SH3D19: variants seen among roughly 807,000 people sequenced by gnomAD.
The protein encoded by SH3D19 is SH3 domain-containing protein 19.
A neutral mutation model predicts 112.1 loss-of-function variants in SH3D19; 58 were observed. The observed-to-expected ratio is 0.52, with a 90% CI of 0.42 to 0.64. The LOEUF is 0.64. Among genes scored for constraint, SH3D19 ranks in the 30% least tolerant of loss-of-function variants. The pLI, the probability that SH3D19 is intolerant of heterozygous loss-of-function variation, is 0.00. For synonymous variants in SH3D19, 391 were observed against 448.5 expected (o/e 0.87, Z 1.62); for missense variants, 1,090 against 1,263.4 (o/e 0.86, Z 2.08).
chr4:151,322,356 C>G (rs1730620797), intron 1 of SH3D19, among the ~76,000 whole-genome samples: 1 of 149,086 alleles, frequency 6.7e-6, no homozygotes, highest in South Asian at 2.1e-4. Flanking sequence ...TCACTTGAAC[C>G]TGGGAGGTGA....
At chr4:151,190,499 T>C (rs1261280946) in intron 2 of SH3D19, among the ~76,000 whole-genome samples, 1 of 152,190 alleles carries the variant, frequency 6.6e-6, no homozygotes, top group Non-Finnish European at 1.5e-5. Flanking sequence ...CTCTGCTGTG[T>C]GCACTCTAGG....
At position 151,200,019 on chromosome 4, in the gene SH3D19, C is replaced by A. The variant is rs780138809; in HGVS notation, c.153-12556G>T. On this transcript the variant is annotated intron_variant, in intron 2 of 19. Coordinates refer to ENST00000604030, the MANE Select transcript of SH3D19 (RefSeq NM_001378122.1). ...TCATAAAAGAGGCCCCAGAGAGATC[C>A]CTTGCCTTTCTGCCATAAGAGGAAA... 6.6e-4 allele frequency among the ~76,000 whole-genome samples: 100 copies of A among 152,158 alleles called. 1 individual carries two copies. The highest frequency in any genetic ancestry group is 1.3e-3 in the Non-Finnish European group (90 of 67,998).
intron 1 of SH3D19, among the ~76,000 whole-genome samples, chr4:151,240,181 G>C (rs1561393330): frequency 6.6e-6 from 1 of 152,136 alleles, no homozygotes; most frequent in Admixed American, 6.6e-5. Context: ...GAGGTGGAAG[G>C]ATCATTTGAA....
chr4:151,279,983 CACAG>C, intron 1 of SH3D19: 1 of 1,346,896 alleles, frequency 7.4e-7, no homozygotes. Context: ...GCAGCTAACA[CACAG>C]ACAGGTTCTC....
At chr4:151,298,647 A>C (rs1728025325) in intron 1 of SH3D19, among the ~76,000 whole-genome samples, 1 of 152,176 alleles carries the variant, frequency 6.6e-6, no homozygotes, top group African/African-American at 2.4e-5. Flanking sequence ...ATAAAAGCAC[A>C]ATCTGTTTGA....
At position 151,159,377 on chromosome 4, in the gene SH3D19, C is replaced by T. The variant is rs760307106; in HGVS notation, c.1643-25G>A. On this transcript the variant is annotated intron_variant, in intron 8 of 19. Coordinates refer to ENST00000604030, the MANE Select transcript of SH3D19 (RefSeq NM_001378122.1). ...CCTGGAAAAAGTAGCAGTAATTCATCAATAATTTCTAGTTTCTGGGATTCC... is the reference window on the plus strand; with the variant it reads ...CCTGGAAAAAGTAGCAGTAATTCATTAATAATTTCTAGTTTCTGGGATTCC... 21 of 1,331,974 alleles carry T rather than the reference C, an allele frequency of 1.6e-5. 1 individual carries two copies. The highest frequency in any genetic ancestry group is 1.6e-5 in the Non-Finnish European group (15 of 956,042). 82.5% of individuals were successfully genotyped at this position (1,331,974 alleles called of 1,614,324 possible). A position where few individuals can be genotyped will look rare whatever the true frequency, so the allele number is the denominator to read the frequency against.
At position 151,187,454 on chromosome 4, in the gene SH3D19, G is replaced by A. The variant is rs746898003; in HGVS notation, c.162C>T (p.Pro54=). The stretch of plus-strand genomic sequence containing the variant: ...TGATTACCGCTCTAATGGATGACAA[G>A]GGTCCTTGGCTAGAAAAAGAAAGAA... ...KPEHRSSSQG[P]LSSIRAVIKR... is the part of the protein sequence containing the mutation. Residue 54 remains proline (P), a synonymous_variant, in exon 3 of 20, where the codon CCC becomes CCT. Transcript: ENST00000604030. The A allele has an allele frequency of 8.1e-7, 1 of 1,229,758 alleles. No individual in the cohort carries two copies. The highest frequency in any genetic ancestry group is 4.1e-5 in the South Asian group (1 of 24,260). The allele number at this position is 1,229,758 out of a possible 1,614,324, so 76.2% of individuals were successfully genotyped here.
chr4:151,185,628 T>C (rs1274685055), intron 3 of SH3D19, among the ~76,000 whole-genome samples: 1 of 152,226 alleles, frequency 6.6e-6, no homozygotes, highest in East Asian at 1.9e-4. Flanking sequence ...CATTCCCACA[T>C]ATTTATAGTT....
intron 1 of SH3D19, among the ~76,000 whole-genome samples, chr4:151,247,785 G>A (rs1771046960): frequency 6.6e-6 from 1 of 152,134 alleles, no homozygotes; most frequent in Non-Finnish European, 1.5e-5. Flanking sequence ...TGGATGTATT[G>A]TATATAATGT....
At chr4:151,237,082 G>C (rs1770130647) in intron 1 of SH3D19, among the ~76,000 whole-genome samples, 1 of 152,180 alleles carries the variant, frequency 6.6e-6, no homozygotes, top group Non-Finnish European at 1.5e-5. Flanking sequence ...TTGGGTCTGT[G>C]TTGCCTTTAT....
rs945170974 is a variant in SH3D19, at chr4:151,149,557, G to A, written c.1760C>T (p.Ser587Phe). The A allele has an allele frequency of 6.2e-7, 1 of 1,611,168 alleles. No homozygotes were observed. The highest frequency in any genetic ancestry group is 8.5e-7 in the Non-Finnish European group (1 of 1,178,488). The change falls in exon 10 of 20, where the codon TCC becomes TTC. Residue 587 changes from serine (S) to phenylalanine (F), a missense_variant. By Grantham distance (155) the Ser-to-Phe change is radical. Transcript: ENST00000604030. ...SNVERTRNLE[S>F]NHPGQTGGFV... ...ACCTCCTGTTTGACCTGGGTGGTTG[G>A]ATTCCTGCAAGTAGCAGAGAATGCT...
At chr4:151,306,197 C>A (rs1029311964) in intron 1 of SH3D19, among the ~76,000 whole-genome samples, 3 of 152,108 alleles carry the variant, frequency 2.0e-5, no homozygotes, top group Admixed American at 6.6e-5. Context: ...TGTATGGTGA[C>A]TATGGTAGTT....
At chr4:151,316,245 T>C (rs1729970479) in intron 1 of SH3D19, among the ~76,000 whole-genome samples, 1 of 152,086 alleles carries the variant, frequency 6.6e-6, no homozygotes, top group Non-Finnish European at 1.5e-5. Flanking sequence ...CATACAAAAA[T>C]GTGACCAGTA....
At chr4:151,295,523 C>G (rs1036212386) in intron 1 of SH3D19, among the ~76,000 whole-genome samples, 1 of 152,204 alleles carries the variant, frequency 6.6e-6, no homozygotes, top group Non-Finnish European at 1.5e-5. Context: ...CCTTTGACTT[C>G]GGAATTCATC....
At chr4:151,323,014 A>G (rs1200651867) in intron 1 of SH3D19, among the ~76,000 whole-genome samples, 1 of 152,220 alleles carries the variant, frequency 6.6e-6, no homozygotes, top group East Asian at 1.9e-4. Flanking sequence ...GAGGGATGGG[A>G]ATCCATTTCT....
intron 1 of SH3D19, among the ~76,000 whole-genome samples, chr4:151,307,119 C>T (rs1037437040): frequency 4.7e-5 from 7 of 150,330 alleles, no homozygotes; most frequent in African/African-American, 1.2e-4. Flanking sequence ...CCCAGGTTCA[C>T]GCCATTCTCC....
intron 1 of SH3D19, among the ~76,000 whole-genome samples, chr4:151,275,327 C>G (rs1204058368): frequency 6.6e-6 from 1 of 151,956 alleles, no homozygotes; most frequent in Non-Finnish European, 1.5e-5. Context: ...GACCTCGTGA[C>G]CCACCCGCCT....
rs1730962452 is a variant in SH3D19 at position 151,325,539 on chromosome 4, A to G, written c.-187T>C. On this transcript the variant is annotated 5_prime_UTR_variant, in exon 1 of 20. Coordinates refer to ENST00000604030, the MANE Select transcript of SH3D19 (RefSeq NM_001378122.1). ...GAACTCCACCTGCAGCCGGCCGGGCAGCGGCAGGGCGCGGGCCGAGCCGAT... is the reference window on the plus strand; with the variant it reads ...GAACTCCACCTGCAGCCGGCCGGGCGGCGGCAGGGCGCGGGCCGAGCCGAT... The G allele has an allele frequency of 6.7e-6, 2 of 298,052 alleles. No homozygotes were observed. Among genetic ancestry groups the G allele is most frequent in the Non-Finnish European group, 1.2e-5 (2 of 163,078 alleles). 18.5% of individuals were successfully genotyped at this position (298,052 alleles called of 1,614,324 possible). A position where few individuals can be genotyped will look rare whatever the true frequency, so the allele number is the denominator to read the frequency against.
Position 151,309,691 on chromosome 4 carries a change from T to C in SH3D19, c.112+15550A>G, listed in dbSNP as rs563720467. On this transcript the variant is annotated intron_variant, in intron 1 of 19. Transcript: ENST00000604030. ...CTCACATCTGCTAGGATGGGTATTATCAAAAAGTCAGCCAGAGGCTGGGCA... is the reference window on the plus strand; with the variant it reads ...CTCACATCTGCTAGGATGGGTATTACCAAAAAGTCAGCCAGAGGCTGGGCA... 9.9e-5 allele frequency among the ~76,000 whole-genome samples: 15 copies of C among 152,240 alleles called. 1 individual carries two copies. The South Asian group carries it at 1.9e-3, about 19-fold the overall frequency.
Sources: allele counts gnomAD v4.1 joint callset (sites outside exome capture counted in the v4.1 genomes callset), GRCh38; gene constraint gnomAD v4.1.1; transcripts MANE v1.5; gene names NCBI Gene and HGNC (gene_info 2026-07-23, HGNC 2026-07-21).